Variants in MAGI2 observed in about 807,000 individuals in gnomAD.
The protein encoded by MAGI2 is membrane-associated guanylate kinase, WW and PDZ domain-containing protein 2.
A neutral mutation model predicts 133.3 loss-of-function variants in MAGI2; 35 were observed. The ratio of observed to expected loss-of-function variants is 0.26; its 90% CI spans 0.20 to 0.35. MAGI2 has a LOEUF of 0.35. Among genes scored for constraint, MAGI2 ranks in the 10% least tolerant of loss-of-function variants. The pLI, the probability that MAGI2 is intolerant of heterozygous loss-of-function variation, is 1.00. For missense variants in MAGI2, 1,636 were observed against 1,863.4 expected, an observed-to-expected ratio of 0.88 and a Z score of 2.25; for synonymous variants, 729 against 710.6, an observed-to-expected ratio of 1.03 and a Z score of -0.41.
At chr7:78,268,532 A>G (rs1794240283) in intron 9 of MAGI2, among the ~76,000 whole-genome samples, 1 of 152,182 alleles carries the variant, frequency 6.6e-6, no homozygotes, top group South Asian at 2.1e-4. Flanking sequence ...AGAAGAGGCA[A>G]TTGTGGCTTA....
At chr7:79,425,738 G>A (rs901824057) in intron 1 of MAGI2, among the ~76,000 whole-genome samples, 1 of 151,546 alleles carries the variant, frequency 6.6e-6, no homozygotes, top group Admixed American at 6.6e-5. Flanking sequence ...GCTTAACATC[G>A]TGTTTACGAG....
At chr7:79,253,059 A>G (rs1248124287) in intron 1 of MAGI2, among the ~76,000 whole-genome samples, 1 of 152,246 alleles carries the variant, frequency 6.6e-6, no homozygotes, top group Non-Finnish European at 1.5e-5. Context: ...ATGATAGAAT[A>G]TAGAATATCA....
intron 1 of MAGI2, among the ~76,000 whole-genome samples, chr7:79,335,261 G>A (rs116626343): frequency 0.014 from 2,072 of 152,180 alleles, 49 homozygotes; most frequent in African/African-American, 0.047. Flanking sequence ...AGAGCAGAGC[G>A]TTTAGGTTGT....
chr7:79,245,219 G>T (rs952808405), intron 1 of MAGI2, among the ~76,000 whole-genome samples: 1 of 152,152 alleles, frequency 6.6e-6, no homozygotes, highest in African/African-American at 2.4e-5. Context: ...TGGCTATGGG[G>T]AGGGACTCCT....
chr7:78,155,268 C>T (rs1824276029), intron 16 of MAGI2, among the ~76,000 whole-genome samples: 1 of 152,138 alleles, frequency 6.6e-6, no homozygotes, highest in Admixed American at 6.5e-5. Context: ...TAATATTTTG[C>T]ATAATGGGAC....
At chr7:78,149,373 T>C (rs1336883818) in intron 16 of MAGI2, among the ~76,000 whole-genome samples, 1 of 152,172 alleles carries the variant, frequency 6.6e-6, no homozygotes, top group African/African-American at 2.4e-5. Context: ...ACAAATATAA[T>C]TGTGTATAAA....
chr7:79,133,542 T>A (rs1017244711), intron 1 of MAGI2, among the ~76,000 whole-genome samples: 5 of 152,212 alleles, frequency 3.3e-5, no homozygotes, highest in African/African-American at 9.6e-5. Flanking sequence ...TCATGCTGTT[T>A]TGGTAACTAC....
rs569901580 is a variant in MAGI2 at position 78,702,515 on chromosome 7, G to T, written c.419-75276C>A. The stretch of plus-strand genomic sequence containing the variant: ...ATACTAGCACCTTCCTCACTGGTTA[G>T]TTATAAAGATTAAGTGACTTAATAC... On this transcript the variant is annotated intron_variant, in intron 2 of 21. Coordinates refer to ENST00000354212, the MANE Select transcript of MAGI2 (RefSeq NM_012301.4). Among the ~76,000 whole-genome samples, 3 of 152,062 alleles carry T rather than the reference G, an allele frequency of 2.0e-5. No homozygotes were observed. In the East Asian group the frequency reaches 5.8e-4, roughly 29 times the overall value.
At chr7:78,346,928 A>C (rs1790974488) in intron 7 of MAGI2, among the ~76,000 whole-genome samples, 1 of 152,216 alleles carries the variant, frequency 6.6e-6, no homozygotes, top group Non-Finnish European at 1.5e-5. Context: ...ACTGACAAAT[A>C]CTGAGTACTT....
chr7:79,341,401 A>G (rs967622035), intron 1 of MAGI2, among the ~76,000 whole-genome samples: 1 of 134,828 alleles, frequency 7.4e-6, no homozygotes, highest in Admixed American at 6.9e-5. Context: ...GTGTTTATTT[A>G]AAAAAAAAAC....
intron 2 of MAGI2, among the ~76,000 whole-genome samples, chr7:78,978,048 G>A (rs888178407): frequency 6.6e-6 from 1 of 151,800 alleles, no homozygotes; most frequent in African/African-American, 2.4e-5. Context: ...ATGTGGAACA[G>A]CAGTAACACT....
At chr7:79,408,948 GTTTA>G (rs1845979090) in intron 1 of MAGI2, among the ~76,000 whole-genome samples, 1 of 152,018 alleles carries the variant, frequency 6.6e-6, no homozygotes, top group Non-Finnish European at 1.5e-5. Context: ...AGTAACCAAG[GTTTA>G]ACATGCACAG....
intron 6 of MAGI2, among the ~76,000 whole-genome samples, chr7:78,377,282 T>C (rs536457801): frequency 6.6e-6 from 1 of 152,048 alleles, no homozygotes; most frequent in Non-Finnish European, 1.5e-5. Context: ...TCCAATCCAG[T>C]GCAGCCAGCT....
intron 9 of MAGI2, among the ~76,000 whole-genome samples, chr7:78,336,914 C>T (rs571583082): frequency 4.6e-5 from 7 of 152,218 alleles, no homozygotes; most frequent in South Asian, 2.1e-4. Context: ...TAAAAATGAA[C>T]GGGTTATGAG....
intron 10 of MAGI2, among the ~76,000 whole-genome samples, chr7:78,239,284 T>C (rs1272810662): frequency 6.6e-6 from 1 of 152,156 alleles, no homozygotes; most frequent in Non-Finnish European, 1.5e-5. Context: ...GACTTAAATG[T>C]AAAACCTGAA....
At chr7:78,573,245 T>TATATATAA (rs1354079193) in intron 3 of MAGI2, among the ~76,000 whole-genome samples, 5,205 of 52,202 alleles carry the variant, frequency 0.1, 337 homozygotes, top group African/African-American at 0.13. Flanking sequence ...TATATATATA[T>TATATATAA]AAATATATAT....
At chr7:78,574,505 A>G (rs1342076244) in intron 3 of MAGI2, among the ~76,000 whole-genome samples, 1 of 152,212 alleles carries the variant, frequency 6.6e-6, no homozygotes, top group East Asian at 1.9e-4. Flanking sequence ...TAACTCCAAG[A>G]CTTCTATAAT....
At chr7:78,653,766 G>T (rs1811832359) in intron 2 of MAGI2, among the ~76,000 whole-genome samples, 1 of 92,656 alleles carries the variant, frequency 1.1e-5, no homozygotes. Context: ...CTCAGAACTT[G>T]AAGTATGATA....
At chr7:79,306,156 G>A (rs1381410984) in intron 1 of MAGI2, among the ~76,000 whole-genome samples, 1 of 147,504 alleles carries the variant, frequency 6.8e-6, no homozygotes, top group Non-Finnish European at 1.5e-5. Flanking sequence ...ACAGGCAGGT[G>A]CTACCACAAC....
Sources: allele counts gnomAD v4.1 joint callset (sites outside exome capture counted in the v4.1 genomes callset), GRCh38; gene constraint gnomAD v4.1.1; transcripts MANE v1.5; gene names NCBI Gene and HGNC (gene_info 2026-07-23, HGNC 2026-07-21).